SPTBN1: variants seen among roughly 807,000 people sequenced by gnomAD.
SPTBN1 encodes spectrin beta, non-erythrocytic 1.
Under a neutral mutation model 266.4 loss-of-function variants are expected in SPTBN1, and 32 were observed. The observed-to-expected ratio is 0.12, with a 90% CI of 0.09 to 0.16. The LOEUF is 0.16. Ranked by LOEUF, SPTBN1 falls within the 10% of genes least tolerant of loss-of-function variation. The pLI is 1.00. For missense variants in SPTBN1, 2,296 were observed against 3,067.1 expected, an observed-to-expected ratio of 0.75 and a Z score of 5.94; for synonymous variants, 1,336 against 1,162.2, an observed-to-expected ratio of 1.15 and a Z score of -3.04.
At chr2:54,575,586 GTGATATTGAGCGT>G (rs1279864029) in intron 2 of SPTBN1, among the ~76,000 whole-genome samples, 35 of 152,354 alleles carry the variant, frequency 2.3e-4, no homozygotes, top group African/African-American at 7.9e-4. Flanking sequence ...TTAAATTCAG[GTGATATTGAGCGT>G]TGACATATCA....
rs377597205 is a variant in SPTBN1 at position 54,581,154 on chromosome 2, A to G, written c.149-17938A>G. On this transcript the variant is annotated intron_variant, in intron 2 of 35. Coordinates refer to ENST00000356805, the MANE Select transcript of SPTBN1 (RefSeq NM_003128.3). The stretch of plus-strand genomic sequence containing the variant: ...ACACACACTTTATATATTTTTATAT[A>G]TAATCTCATACAACATGTTTTGAAA... Among the ~76,000 whole-genome samples, 199 of 152,304 alleles carry G rather than the reference A, an allele frequency of 1.3e-3. 4 individuals are homozygous for G. In the South Asian group the frequency reaches 0.036, roughly 28 times the overall value.
chr2:54,537,417 G>C (rs1671678340), intron 2 of SPTBN1, among the ~76,000 whole-genome samples: 1 of 152,210 alleles, frequency 6.6e-6, no homozygotes, highest in East Asian at 1.9e-4. Flanking sequence ...GATACCTTCA[G>C]AAGAGGTGTC....
chr2:54,599,305 G>C, intron 3 of SPTBN1, 62 bp downstream of exon 3: 3 of 1,583,610 alleles, frequency 1.9e-6, no homozygotes, highest in South Asian at 1.1e-5. Context: ...GAAAAATCAA[G>C]TGTGACTTGT....
Position 54,572,643 on chromosome 2 carries a change from C to T in SPTBN1, c.149-26449C>T, listed in dbSNP as rs372895244. Reference sequence around the variant, plus strand: ...CTTTGTGCCTCCCAATCTCTGCCCCCCTTTACAAAAAATCTTTGTTTTTCC... The same window carrying T: ...CTTTGTGCCTCCCAATCTCTGCCCCTCTTTACAAAAAATCTTTGTTTTTCC... On this transcript the variant is annotated intron_variant, in intron 2 of 35. Coordinates refer to ENST00000356805, the MANE Select transcript of SPTBN1 (RefSeq NM_003128.3). 8.5e-5 allele frequency among the ~76,000 whole-genome samples: 13 copies of T among 152,284 alleles called. No homozygotes were observed. In the East Asian group the frequency reaches 1.7e-3, roughly 20 times the overall value.
At chr2:54,502,405 G>C (rs1004248649) in intron 1 of SPTBN1, among the ~76,000 whole-genome samples, 4 of 152,206 alleles carry the variant, frequency 2.6e-5, no homozygotes, top group African/African-American at 4.8e-5. Context: ...CCAGCCCTCT[G>C]TGAAGGGTTG....
chr2:54,580,426 T>A (rs1349393998), intron 2 of SPTBN1, among the ~76,000 whole-genome samples: 2 of 152,274 alleles, frequency 1.3e-5, no homozygotes, highest in South Asian at 2.1e-4. Flanking sequence ...GCTTTTCACA[T>A]CCTGTTTCTT....
chr2:54,575,890 T>C (rs1674427361), intron 2 of SPTBN1, among the ~76,000 whole-genome samples: 1 of 152,168 alleles, frequency 6.6e-6, no homozygotes, highest in African/African-American at 2.4e-5. Flanking sequence ...ACCTGGTCTT[T>C]TCTCCTGAGA....
chr2:54,661,274 G>C, intron 32 of SPTBN1: 5 of 985,854 alleles, frequency 5.1e-6, no homozygotes, highest in Non-Finnish European at 6.0e-6. Flanking sequence ...TGGTTTCCTT[G>C]TACCGATAAA....
At chr2:54,460,573 C>G (rs1415540569) in intron 1 of SPTBN1, among the ~76,000 whole-genome samples, 2 of 152,232 alleles carry the variant, frequency 1.3e-5, no homozygotes, top group Non-Finnish European at 2.9e-5. Context: ...TCTGCTCCCT[C>G]TGCTCTGGCA....
At chr2:54,581,924 G>A (rs999340206) in intron 2 of SPTBN1, among the ~76,000 whole-genome samples, 32 of 151,892 alleles carry the variant, frequency 2.1e-4, no homozygotes, top group African/African-American at 6.5e-4. Context: ...AGAACTTTGC[G>A]AGACAACAGG....
chr2:54,580,783 AT>A (rs1204896131), intron 2 of SPTBN1, among the ~76,000 whole-genome samples: 4 of 152,200 alleles, frequency 2.6e-5, no homozygotes, highest in African/African-American at 9.6e-5. Context: ...TAAAAACTTT[AT>A]TTTTTAATAA....
intron 1 of SPTBN1, among the ~76,000 whole-genome samples, chr2:54,489,602 G>C (rs542517631): frequency 1.3e-5 from 2 of 152,234 alleles, no homozygotes; most frequent in African/African-American, 4.8e-5. Context: ...GGAAGGCTGA[G>C]GCATGAGAAT....
Position 54,644,558 on chromosome 2 carries a change from G to T in SPTBN1, c.4241G>T (p.Ser1414Ile), listed in dbSNP as rs1679798405. The T allele has an allele frequency of 6.2e-7, 1 of 1,609,714 alleles. No individual in the cohort carries two copies. The highest frequency in any genetic ancestry group is 8.5e-7 in the Non-Finnish European group (1 of 1,176,468). ...QSDDYGKDLT[S>I]VNILLKKQQM... ...GATGACTATGGCAAAGACCTGACCA[G>T]TGTCAATATCCTGCTGAAAAAGCAA... The change falls in exon 20 of 36, where the codon AGT (serine) becomes ATT (isoleucine). Residue 1414 changes from serine to isoleucine, a missense_variant. Around this residue, in one of 12 missense-constraint regions of SPTBN1, gnomAD observed 386 missense variants for 486.1 expected, o/e 0.79. Coordinates refer to ENST00000356805, the MANE Select transcript of SPTBN1 (RefSeq NM_003128.3).
chr2:54,477,386 A>G (rs1667889575), intron 1 of SPTBN1, among the ~76,000 whole-genome samples: 1 of 149,772 alleles, frequency 6.7e-6, no homozygotes. Flanking sequence ...AGACTTTCGG[A>G]TTTGTGGCAT....
At chr2:54,622,533 C>T (rs756986778) in intron 9 of SPTBN1, 46 bp downstream of exon 9, 16 of 1,588,850 alleles carry the variant, frequency 1.0e-5, no homozygotes, top group Non-Finnish European at 1.2e-5. Context: ...AAAGACACAT[C>T]ACTGTAGCCA....
intron 1 of SPTBN1, among the ~76,000 whole-genome samples, chr2:54,460,154 A>T (rs1019317341): frequency 1.3e-5 from 2 of 152,216 alleles, no homozygotes; most frequent in Non-Finnish European, 2.9e-5. Flanking sequence ...AGCCAATCGG[A>T]ATCAACATTT....
intron 2 of SPTBN1, among the ~76,000 whole-genome samples, chr2:54,568,979 T>A (rs372273321): frequency 2.5e-4 from 38 of 152,254 alleles, no homozygotes; most frequent in African/African-American, 8.7e-4. Flanking sequence ...CACATCAAAC[T>A]TACCTAGTGG....
At chr2:54,655,665 G>C (rs1055876629) in intron 28 of SPTBN1, among the ~76,000 whole-genome samples, 1 of 152,202 alleles carries the variant, frequency 6.6e-6, no homozygotes, top group Non-Finnish European at 1.5e-5. Context: ...CGTGTTTGCC[G>C]CAGGGAGCCT....
At chr2:54,556,128 A>T (rs1672852903) in intron 2 of SPTBN1, among the ~76,000 whole-genome samples, 1 of 152,198 alleles carries the variant, frequency 6.6e-6, no homozygotes, top group African/African-American at 2.4e-5. Flanking sequence ...AAGAATGAAT[A>T]CCTCTGGCCT....
Sources: gnomAD v4.1 joint callset for allele counts (sites outside exome capture counted in the v4.1 genomes callset) on GRCh38, gnomAD v4.1.1 for gene constraint, gnomAD v4.1.1 regional missense constraint, MANE v1.5 for transcripts, NCBI Gene and HGNC (gene_info 2026-07-23, HGNC 2026-07-21) for gene names.